Variants in RSPO4 observed in about 807,000 individuals in gnomAD.
The protein encoded by RSPO4 is R-spondin-4.
Under a neutral mutation model 24.8 loss-of-function variants are expected in RSPO4, and 23 were observed. The observed-to-expected ratio is 0.93, with a 90% CI of 0.67 to 1.31. The LOEUF is 1.31. Ranked by LOEUF, RSPO4 falls within the 40% of genes most tolerant of loss-of-function variation. The probability of loss-of-function intolerance (pLI) is 0.00; values close to 1 mark genes in which losing one functional copy is unlikely to be tolerated. For missense variants in RSPO4, 333 were observed against 316.5 expected (o/e 1.05, Z -0.39); for synonymous variants, 141 against 127.4 (o/e 1.11, Z -0.72).
intron 1 of RSPO4, among the ~76,000 whole-genome samples, chr20:969,293 G>C (rs953689488): frequency 6.6e-6 from 1 of 152,264 alleles, no homozygotes; most frequent in Non-Finnish European, 1.5e-5. Flanking sequence ...CGGAGAGACA[G>C]AGTGAAGCCA....
intron 1 of RSPO4, among the ~76,000 whole-genome samples, chr20:996,839 G>A (rs992666370): frequency 6.7e-6 from 1 of 149,176 alleles, no homozygotes; most frequent in Non-Finnish European, 1.5e-5. Flanking sequence ...GCAGTCCCTT[G>A]TCCCCTCCAC....
At chr20:996,634 A>G (rs1312451421) in intron 1 of RSPO4, among the ~76,000 whole-genome samples, 3 of 152,196 alleles carry the variant, frequency 2.0e-5, no homozygotes. Context: ...CCATACAAAA[A>G]TAGTCCTGTG....
At position 970,128 on chromosome 20, in the gene RSPO4, G is replaced by T. The variant is rs555170603; in HGVS notation, c.80-1990C>A. Among the ~76,000 whole-genome samples the T allele has an allele frequency of 6.6e-6, 1 of 152,260 alleles. No individual in the cohort carries two copies. The highest frequency in any genetic ancestry group is 2.4e-5 in the African/African-American group (1 of 41,552). ...AGCAGGTGAGAGCTAACGAAAGCCC[G>T]GTCAGATACACATTCTGGTGACTCC... On this transcript the variant is annotated intron_variant, in intron 1 of 4. Coordinates refer to ENST00000217260, the MANE Select transcript of RSPO4 (RefSeq NM_001029871.4). This position sits in a 1 kb window ranked among gnomAD's most constrained non-coding sequence, Gnocchi z 4.1.
chr20:975,308 C>A (rs1330945602), intron 1 of RSPO4, among the ~76,000 whole-genome samples: 2 of 152,164 alleles, frequency 1.3e-5, no homozygotes, highest in African/African-American at 2.4e-5. Flanking sequence ...CCTCTCCCAG[C>A]TGAGATGCAC....
chr20:968,340 G>C (rs892406768), intron 1 of RSPO4, among the ~76,000 whole-genome samples: 5 of 152,250 alleles, frequency 3.3e-5, no homozygotes, highest in Admixed American at 2.0e-4. Flanking sequence ...AGGTAAAGCA[G>C]CATGTGACAC....
chr20:987,558 G>C (rs1984959011), intron 1 of RSPO4, among the ~76,000 whole-genome samples: 1 of 152,082 alleles, frequency 6.6e-6, no homozygotes, highest in Non-Finnish European at 1.5e-5. Context: ...GGCTGAGGTG[G>C]GAGGATTACT....
At chr20:975,363 C>G (rs1433136492) in intron 1 of RSPO4, among the ~76,000 whole-genome samples, 6 of 152,168 alleles carry the variant, frequency 3.9e-5, no homozygotes, top group Admixed American at 3.9e-4. Context: ...CCCAAGTTTT[C>G]TTGGGCCATC....
chr20:1,000,945 G>A (rs1003117330), intron 1 of RSPO4, among the ~76,000 whole-genome samples: 3 of 152,136 alleles, frequency 2.0e-5, no homozygotes, highest in East Asian at 1.9e-4. Context: ...TGACTGTGTC[G>A]CTGTAGGGCT....
At chr20:964,970 G>A (rs1255664560) in intron 3 of RSPO4, among the ~76,000 whole-genome samples, 1 of 152,080 alleles carries the variant, frequency 6.6e-6, no homozygotes, top group Non-Finnish European at 1.5e-5. Context: ...AACGCAGCAA[G>A]AGGCTCACAC....
chr20:967,365 G>GC, intron 2 of RSPO4, 51 bp from the exon 3 acceptor site: 2 of 1,604,816 alleles, frequency 1.2e-6, no homozygotes, highest in Non-Finnish European at 1.7e-6. Flanking sequence ...CAAGGATGGG[G>GC]CCCACTGGGT....
At chr20:997,825 A>T (rs1198268117) in intron 1 of RSPO4, among the ~76,000 whole-genome samples, 1 of 152,194 alleles carries the variant, frequency 6.6e-6, no homozygotes, top group African/African-American at 2.4e-5. Context: ...AAACAAGCTC[A>T]GAGAGAGGAG....
In RSPO4 at chr20:981,277, C is replaced by G. The variant is rs1326420515; in HGVS notation, c.80-13139G>C. On this transcript the variant is annotated intron_variant, in intron 1 of 4. Coordinates refer to ENST00000217260, the MANE Select transcript of RSPO4 (RefSeq NM_001029871.4). The surrounding 1 kb of genome is among the most constrained non-coding windows in gnomAD (Gnocchi z 4.6). ...CAGTGGCTCACGCCTGTAATCCCAG[C>G]ACTTAGGGAGGCTGAGGCAGGTAGA... Among the ~76,000 whole-genome samples, 1 of 152,198 alleles carries G rather than the reference C, an allele frequency of 6.6e-6. No homozygotes were observed. The highest frequency in any genetic ancestry group is 1.5e-5 in the Non-Finnish European group (1 of 68,042).
At chr20:965,952 G>C (rs1984182016) in intron 3 of RSPO4, among the ~76,000 whole-genome samples, 1 of 152,212 alleles carries the variant, frequency 6.6e-6, no homozygotes, top group Non-Finnish European at 1.5e-5. Context: ...ATTGAATATA[G>C]GGTGAGGGAG....
intron 3 of RSPO4, among the ~76,000 whole-genome samples, chr20:966,960 T>C (rs983372548): frequency 1.3e-5 from 2 of 152,224 alleles, no homozygotes; most frequent in African/African-American, 4.8e-5. Context: ...GTGTTGGTTG[T>C]AGTAGTAATC....
chr20:981,592 G>A lies in RSPO4; in HGVS notation c.80-13454C>T, dbSNP rs535392637. Among the ~76,000 whole-genome samples the A allele has an allele frequency of 2.8e-4, 42 of 152,282 alleles. No homozygotes were observed. The South Asian group carries it at 7.3e-3, about 26-fold the overall frequency. On this transcript the variant is annotated intron_variant, in intron 1 of 4. Transcript: ENST00000217260. This position sits in a 1 kb window ranked among gnomAD's most constrained non-coding sequence, Gnocchi z 4.6. ...TCAAATGGGCAACCTGACTCCTTTCGCCACTCATAGGAGGGGCATTTCCCC... is the reference window on the plus strand; with the variant it reads ...TCAAATGGGCAACCTGACTCCTTTCACCACTCATAGGAGGGGCATTTCCCC...
At chr20:972,233 C>T (rs1237514150) in intron 1 of RSPO4, among the ~76,000 whole-genome samples, 1 of 152,022 alleles carries the variant, frequency 6.6e-6, no homozygotes, top group East Asian at 1.9e-4. Context: ...CCCAGCTAAT[C>T]TGTGTATTTT....
At chr20:998,369 C>CA (rs933123343) in intron 1 of RSPO4, among the ~76,000 whole-genome samples, 1 of 151,896 alleles carries the variant, frequency 6.6e-6, no homozygotes, top group African/African-American at 2.4e-5. Context: ...CAGCATGTTT[C>CA]AAAAAAATGT....
intron 3 of RSPO4, among the ~76,000 whole-genome samples, chr20:966,618 T>C (rs1448608045): frequency 7.2e-5 from 11 of 152,112 alleles, no homozygotes; most frequent in Admixed American, 7.2e-4. Context: ...CTCCCAATGC[T>C]TTGGGAGGCT....
At chr20:978,678 C>T (rs1984643113) in intron 1 of RSPO4, among the ~76,000 whole-genome samples, 1 of 152,106 alleles carries the variant, frequency 6.6e-6, no homozygotes, top group Admixed American at 6.5e-5. Context: ...GTGAAGGACC[C>T]AGGCAAGGTG....
Sources: gnomAD v4.1 joint callset for allele counts (sites outside exome capture counted in the v4.1 genomes callset) on GRCh38, gnomAD v4.1.1 for gene constraint, Gnocchi (gnomAD v3.1) non-coding constraint, MANE v1.5 for transcripts, NCBI Gene and HGNC (gene_info 2026-07-23, HGNC 2026-07-21) for gene names.